Variants in PNKD observed in about 807,000 individuals in gnomAD.
PNKD encodes the protein PNKD metallo-beta-lactamase domain containing, also known as probable thioesterase PNKD.
In PNKD, 36 loss-of-function variants were observed where a neutral mutation model predicts 45.3. The ratio of observed to expected loss-of-function variants is 0.80; its 90% CI spans 0.61 to 1.05. The LOEUF (loss-of-function observed/expected upper bound fraction) is 1.05, where lower values mean the gene tolerates loss of function less well. Among genes scored for constraint, PNKD ranks in the 50% least tolerant of loss-of-function variants. The pLI is 0.00. For missense variants in PNKD, 511 were observed against 506.6 expected, an observed-to-expected ratio of 1.01 and a Z score of -0.08; for synonymous variants, 197 against 210.1, an observed-to-expected ratio of 0.94 and a Z score of 0.54.
chr2:218,318,916 T>C (rs1693893658), intron 2 of PNKD, among the ~76,000 whole-genome samples: 1 of 151,592 alleles, frequency 6.6e-6, no homozygotes, highest in Non-Finnish European at 1.5e-5. Context: ...ACTTTACATA[T>C]AGTAAAGTGC....
chr2:218,275,452 G>A (rs369057432), intron 2 of PNKD: 7 of 1,605,306 alleles, frequency 4.4e-6, no homozygotes, highest in Middle Eastern at 3.3e-4. Flanking sequence ...GCCCAGGATC[G>A]GGTGAAAATG....
intron 2 of PNKD, chr2:218,278,511 T>C: frequency 3.7e-6 from 6 of 1,614,026 alleles, no homozygotes; most frequent in Non-Finnish European, 5.1e-6. Flanking sequence ...TCTCTGGGAC[T>C]CACCTGGGTC....
intron 7 of PNKD, 132 bp from the exon 8 acceptor site, chr2:218,343,368 G>C (rs769909030): frequency 1.8e-5 from 14 of 766,200 alleles, no homozygotes; most frequent in Admixed American, 4.0e-5. Context: ...CCTGGGGTGG[G>C]TCTGGAAAGT....
intron 2 of PNKD, among the ~76,000 whole-genome samples, chr2:218,287,613 G>A (rs1692624183): frequency 6.6e-6 from 1 of 152,208 alleles, no homozygotes; most frequent in African/African-American, 2.4e-5. Context: ...GGGAGGCTGA[G>A]GCAGGGGGAT....
At chr2:218,271,086 T>C (rs1442229195) in intron 1 of PNKD, 8 of 531,380 alleles carry the variant, frequency 1.5e-5, no homozygotes, top group South Asian at 6.3e-5. Context: ...ATACGTCTTA[T>C]GTGAGTCCCA....
chr2:218,293,984 C>T (rs1259033396), intron 2 of PNKD, among the ~76,000 whole-genome samples: 1 of 149,202 alleles, frequency 6.7e-6, no homozygotes, highest in Non-Finnish European at 1.5e-5. Flanking sequence ...CATACACACA[C>T]TATGTATGTT....
chr2:218,293,990 A>C (rs1559513500), intron 2 of PNKD, among the ~76,000 whole-genome samples: 8 of 150,978 alleles, frequency 5.3e-5, no homozygotes. Flanking sequence ...CACACTATGT[A>C]TGTTTATTTC....
chr2:218,326,772 C>T lies in PNKD; in HGVS notation c.237-13011C>T, dbSNP rs893447524. 1 of 152,234 alleles carries T rather than the reference C, an allele frequency of 6.6e-6. No homozygotes were observed. The highest frequency in any genetic ancestry group is 1.5e-5 in the Non-Finnish European group (1 of 68,086). 9.4% of individuals were successfully genotyped at this position (152,234 alleles called of 1,614,324 possible). On this transcript the variant is annotated intron_variant, in intron 2 of 9. Coordinates refer to ENST00000273077, the MANE Select transcript of PNKD (RefSeq NM_015488.5). This position sits in a 1 kb window ranked among gnomAD's most constrained non-coding sequence, Gnocchi z 4.1. ...GAAACTCCACATCCCTTCATTCAGC[C>T]AGGGAACACCTAGCTGCCCTAGGTA...
intron 2 of PNKD, among the ~76,000 whole-genome samples, chr2:218,311,300 C>A (rs950735113): frequency 6.6e-6 from 1 of 152,072 alleles, no homozygotes; most frequent in Non-Finnish European, 1.5e-5. Context: ...TCAGGTGGGA[C>A]GAGAGACTGA....
At chr2:218,315,057 T>TCTTTCTTTCTTTCTTTCTGC (rs61429059) in intron 2 of PNKD, among the ~76,000 whole-genome samples, 1 of 55,544 alleles carries the variant, frequency 1.8e-5, no homozygotes, top group Non-Finnish European at 3.9e-5. Context: ...TTTCTTTCTT[T>TCTTTCTTTCTTTCTTTCTGC]CTTCCTTCCT....
intron 2 of PNKD, among the ~76,000 whole-genome samples, chr2:218,291,577 A>G (rs1190161862): frequency 1.3e-5 from 2 of 152,096 alleles, no homozygotes; most frequent in Non-Finnish European, 2.9e-5. Flanking sequence ...CCTGGGTACC[A>G]CGTAGAGGCC....
chr2:218,311,553 A>T (rs1013080505), intron 2 of PNKD, among the ~76,000 whole-genome samples: 1 of 152,226 alleles, frequency 6.6e-6, no homozygotes, highest in Non-Finnish European at 1.5e-5. Context: ...CTGGATGTGC[A>T]CGTAGGCTAG....
At chr2:218,292,663 C>G (rs1693020110) in intron 2 of PNKD, 2 of 152,136 alleles carry the variant, frequency 1.3e-5, no homozygotes. Context: ...CGACGCCTCA[C>G]TAATAACACA....
At chr2:218,327,028 T>C (rs1694173973) in intron 2 of PNKD, 1 of 152,732 alleles carries the variant, frequency 6.5e-6, no homozygotes, top group South Asian at 2.1e-4. Flanking sequence ...TTAGGGGTAG[T>C]GGTGGGGGTT....
rs1396862183 is a variant in PNKD, at chr2:218,339,825, C to T, written c.279C>T (p.Tyr93=). 6.2e-7 allele frequency: 1 copy of T among 1,613,912 alleles called. No homozygotes were observed. Among genetic ancestry groups the T allele is most frequent in the African/African-American group, 1.3e-5 (1 of 74,998 alleles). ...YTRTWLGYLF[Y]RQQLRRARNR... Reference sequence around the variant, plus strand: ...GCACCTGGCTCGGGTACCTCTTCTACCGACAGCAGCTGCGCAGGGCTCGGA... The same window carrying T: ...GCACCTGGCTCGGGTACCTCTTCTATCGACAGCAGCTGCGCAGGGCTCGGA... Residue 93 remains tyrosine, a synonymous_variant, in exon 3 of 10, where the codon TAC becomes TAT. Coordinates refer to ENST00000273077, the MANE Select transcript of PNKD (RefSeq NM_015488.5).
At chr2:218,320,989 C>A in intron 2 of PNKD, among the ~76,000 whole-genome samples, 1 of 152,286 alleles carries the variant, frequency 6.6e-6, no homozygotes. Flanking sequence ...AAAACACTCA[C>A]CCTCACTCCT....
rs762842780 is a variant in PNKD at position 218,344,775 on chromosome 2, C to T, written c.985-33C>T. ...CTGTCTTGGGTCCATTTCCCAGCTT[C>T]TCTCCACCAAACCTGGTTCCTCTCA... is the stretch of plus-strand genomic sequence containing the variant. On this transcript the variant is annotated intron_variant, in intron 9 of 9. Coordinates refer to ENST00000273077, the MANE Select transcript of PNKD (RefSeq NM_015488.5). 3 of 1,608,402 alleles carry T rather than the reference C, an allele frequency of 1.9e-6. No individual in the cohort carries two copies. The South Asian group carries it at 3.3e-5, about 18-fold the overall frequency.
At chr2:218,321,012 G>T (rs538733210) in intron 2 of PNKD, among the ~76,000 whole-genome samples, 4 of 152,112 alleles carry the variant, frequency 2.6e-5, no homozygotes, top group Non-Finnish European at 4.4e-5. Flanking sequence ...TCCCAGTCCC[G>T]CCTTGACTCC....
chr2:218,310,073 C>T (rs1455365189), intron 2 of PNKD, among the ~76,000 whole-genome samples: 2 of 152,154 alleles, frequency 1.3e-5, no homozygotes, highest in Non-Finnish European at 1.5e-5. Context: ...CTGCCATCCT[C>T]GGGTGCTGGC....
Sources: gnomAD v4.1 joint callset for allele counts (sites outside exome capture counted in the v4.1 genomes callset) on GRCh38, gnomAD v4.1.1 for gene constraint, Gnocchi (gnomAD v3.1) non-coding constraint, MANE v1.5 for transcripts, NCBI Gene and HGNC (gene_info 2026-07-23, HGNC 2026-07-21) for gene names.